The following AGBL1 variants were observed in gnomAD, a reference collection of about 807,000 sequenced individuals.
AGBL1 encodes the protein AGBL carboxypeptidase 1.
AGBL1 carries 130 observed loss-of-function variants against 118.9 expected under a neutral mutation model. The ratio of observed to expected loss-of-function variants is 1.09; its 90% CI spans 0.95 to 1.26. AGBL1 has a LOEUF of 1.26. AGBL1 is among the 50% of genes most tolerant of loss of function. The pLI, the probability that AGBL1 is intolerant of heterozygous loss-of-function variation, is 0.00. For missense variants in AGBL1, 1,584 were observed against 1,298.1 expected, an observed-to-expected ratio of 1.22 and a Z score of -3.38; for synonymous variants, 555 against 478.9, an observed-to-expected ratio of 1.16 and a Z score of -2.08.
chr15:86,480,341 C>T (rs1359519088), intron 18 of AGBL1, among the ~76,000 whole-genome samples: 1 of 152,004 alleles, frequency 6.6e-6, no homozygotes, highest in Non-Finnish European at 1.5e-5. Context: ...TAAATGTACA[C>T]AATTTAAAAA....
intron 1 of AGBL1, chr15:86,086,258 C>A (rs1007119589): frequency 6.6e-6 from 1 of 152,282 alleles, no homozygotes; most frequent in African/African-American, 2.4e-5. Context: ...ACTGTATCTG[C>A]AGTTGTGGAA....
At chr15:86,136,549 C>G (rs181822133) in intron 1 of AGBL1, among the ~76,000 whole-genome samples, 1 of 152,170 alleles carries the variant, frequency 6.6e-6, no homozygotes, top group Non-Finnish European at 1.5e-5. Context: ...AGAAAAGGAA[C>G]TGGAGCTGAG....
chr15:86,517,940 C>G (rs1397939159), intron 18 of AGBL1, among the ~76,000 whole-genome samples: 1 of 152,168 alleles, frequency 6.6e-6, no homozygotes, highest in Non-Finnish European at 1.5e-5. Context: ...TCCTCCTGCA[C>G]CCTTCCTGCC....
chr15:86,924,940 T>C (rs1362358014), intron 23 of AGBL1, among the ~76,000 whole-genome samples: 1 of 151,242 alleles, frequency 6.6e-6, no homozygotes, highest in Admixed American at 6.6e-5. Context: ...ATTAAAAAAT[T>C]TAAAAATTAA....
intron 18 of AGBL1, among the ~76,000 whole-genome samples, chr15:86,416,717 G>C (rs972149241): frequency 6.6e-6 from 1 of 152,014 alleles, no homozygotes; most frequent in East Asian, 1.9e-4. Context: ...AAAAGCAATT[G>C]TTCTCCTTGG....
intron 23 of AGBL1, among the ~76,000 whole-genome samples, chr15:86,974,530 A>C (rs911116281): frequency 1.4e-5 from 2 of 138,522 alleles, no homozygotes; most frequent in African/African-American, 5.4e-5. Flanking sequence ...AATATATATT[A>C]AATATATAAA....
rs577984462 is a variant in AGBL1 at position 86,235,719 on chromosome 15, C to T, written c.526+10768C>T. ...TAATCTTCACCATGGTCCTGTCAGACGGGTAAATATTTAATTATTCTATAA... is the reference window on the plus strand; with the variant it reads ...TAATCTTCACCATGGTCCTGTCAGATGGGTAAATATTTAATTATTCTATAA... On this transcript the variant is annotated intron_variant, in intron 6 of 22. Transcript: ENST00000614907. Among the ~76,000 whole-genome samples, 251 of 152,274 alleles carry T rather than the reference C, an allele frequency of 1.6e-3. 3 individuals carry two copies. In the South Asian group the frequency reaches 0.044, roughly 27 times the overall value.
intron 21 of AGBL1, among the ~76,000 whole-genome samples, 152 bp downstream of exon 21, chr15:86,554,689 G>A (rs538739549): frequency 2.6e-5 from 4 of 152,152 alleles, no homozygotes; most frequent in African/African-American, 9.7e-5. Context: ...TTCAACAATT[G>A]CTTTCACCTG....
In AGBL1 at chr15:86,708,097, G is replaced by T. The variant is rs77594544; in HGVS notation, c.3158+33661G>T. On this transcript the variant is annotated intron_variant, in intron 22 of 22. Transcript: ENST00000614907. ...AATATTTTTCATCCTATTTCTTTCAGTGACACAGGCATTAACACATGTATA... is the reference window on the plus strand; with the variant it reads ...AATATTTTTCATCCTATTTCTTTCATTGACACAGGCATTAACACATGTATA... Among the ~76,000 whole-genome samples, 263 of 152,052 alleles carry T rather than the reference G, an allele frequency of 1.7e-3. 3 individuals are homozygous for T. In the East Asian group the frequency reaches 0.022, roughly 13 times the overall value.
intron 22 of AGBL1, among the ~76,000 whole-genome samples, chr15:86,736,958 C>T (rs1470235740): frequency 6.6e-6 from 1 of 152,152 alleles, no homozygotes; most frequent in East Asian, 1.9e-4. Flanking sequence ...AAGTCAAGTT[C>T]TCTGGAGGCA....
chr15:86,803,492 A>C (rs1488839939), intron 22 of AGBL1, among the ~76,000 whole-genome samples: 2 of 152,148 alleles, frequency 1.3e-5, no homozygotes, highest in Non-Finnish European at 2.9e-5. Context: ...AGACTAGTAC[A>C]AACACTAATA....
chr15:86,082,194 T>C (rs1221770232), intron 1 of AGBL1, among the ~76,000 whole-genome samples: 1 of 152,228 alleles, frequency 6.6e-6, no homozygotes, highest in African/African-American at 2.4e-5. Context: ...ACATATATTC[T>C]GTGGAATAAT....
Position 86,911,677 on chromosome 15 carries a change from G to A in AGBL1, c.*4383G>A, listed in dbSNP as rs1330652072. 1 of 152,074 alleles carries A rather than the reference G, an allele frequency of 6.6e-6. No homozygotes were observed. Among genetic ancestry groups the A allele is most frequent in the Non-Finnish European group, 1.5e-5 (1 of 68,038 alleles). The allele number at this position is 152,074 out of a possible 1,614,324, so 9.4% of individuals were successfully genotyped here. On this transcript the variant is annotated 3_prime_UTR_variant, in exon 23 of 23. Transcript: ENST00000614907. ...TCTTAAGCCACACAGCTCCCTAAATGTACTTTTTGATTTTTCTAACATTTT... is the reference window on the plus strand; with the variant it reads ...TCTTAAGCCACACAGCTCCCTAAATATACTTTTTGATTTTTCTAACATTTT...
chr15:86,163,565 T>TA (rs1171667097), intron 5 of AGBL1, among the ~76,000 whole-genome samples: 2 of 151,912 alleles, frequency 1.3e-5, no homozygotes, highest in Non-Finnish European at 2.9e-5. Context: ...CTATCTCTAC[T>TA]AAAAATACAA....
intron 22 of AGBL1, among the ~76,000 whole-genome samples, chr15:86,868,609 G>T (rs149153215): frequency 6.6e-6 from 1 of 152,154 alleles, no homozygotes; most frequent in Non-Finnish European, 1.5e-5. Flanking sequence ...TAAAGCATTC[G>T]TGAAGAGGAT....
chr15:86,268,471 G>A (rs1192808744), intron 13 of AGBL1, among the ~76,000 whole-genome samples: 1 of 152,186 alleles, frequency 6.6e-6, no homozygotes, highest in East Asian at 1.9e-4. Context: ...AGATCAGGAT[G>A]CGGCTAAGCT....
At chr15:86,779,936 C>T (rs377273527) in intron 22 of AGBL1, among the ~76,000 whole-genome samples, 9 of 120,772 alleles carry the variant, frequency 7.5e-5, no homozygotes, top group African/African-American at 1.0e-4. Flanking sequence ...CACACACACA[C>T]ACACACCCCT....
At position 86,910,537 on chromosome 15, in the gene AGBL1, C is replaced by T. The variant is rs998310632; in HGVS notation, c.*3243C>T. ...TGTTTATGGCTGAGGGTTTGGTGCTCCTGCTATGCTGGTTGTTCAGTAGTT... is the reference window on the plus strand; with the variant it reads ...TGTTTATGGCTGAGGGTTTGGTGCTTCTGCTATGCTGGTTGTTCAGTAGTT... On this transcript the variant is annotated 3_prime_UTR_variant, in exon 23 of 23. Coordinates refer to ENST00000614907, the MANE Select transcript of AGBL1 (RefSeq NM_001386094.1). 6.6e-6 allele frequency: 1 copy of T among 152,174 alleles called. No individual in the cohort carries two copies. The highest frequency in any genetic ancestry group is 2.4e-5 in the African/African-American group (1 of 41,424). The allele number at this position is 152,174 out of a possible 1,614,324, so 9.4% of individuals were successfully genotyped here.
chr15:86,873,318 G>C (rs1318153352), intron 22 of AGBL1, among the ~76,000 whole-genome samples: 1 of 152,090 alleles, frequency 6.6e-6, no homozygotes, highest in East Asian at 1.9e-4. Flanking sequence ...ATTATATAAA[G>C]GGGTTAGTAA....
Sources: allele counts gnomAD v4.1 joint callset (sites outside exome capture counted in the v4.1 genomes callset), GRCh38; gene constraint gnomAD v4.1.1; transcripts MANE v1.5; gene names NCBI Gene and HGNC (gene_info 2026-07-23, HGNC 2026-07-21).